FRMD3: variants seen among roughly 807,000 people sequenced by gnomAD.
The protein encoded by FRMD3 is FERM domain-containing protein 3.
Under a neutral mutation model 70.2 loss-of-function variants are expected in FRMD3, and 33 were observed. The ratio of observed to expected loss-of-function variants is 0.47; its 90% CI spans 0.36 to 0.63. FRMD3 has a LOEUF of 0.63. Ranked by LOEUF, FRMD3 falls within the 20% of genes least tolerant of loss-of-function variation. The pLI is 0.00. For missense variants in FRMD3, 632 were observed against 711.4 expected (o/e 0.89, Z 1.27); for synonymous variants, 279 against 255.9 (o/e 1.09, Z -0.86).
chr9:83,363,756 A>C (rs567111357), intron 3 of FRMD3, among the ~76,000 whole-genome samples: 1 of 151,884 alleles, frequency 6.6e-6, no homozygotes, highest in Admixed American at 6.5e-5. Flanking sequence ...GGGTTTCACC[A>C]TGTTAGCCAG....
chr9:83,262,103 T>C (rs781403533), intron 13 of FRMD3, among the ~76,000 whole-genome samples: 5 of 152,182 alleles, frequency 3.3e-5, no homozygotes, highest in South Asian at 2.1e-4. Flanking sequence ...CCAGAGAACA[T>C]AGAACACAAC....
intron 3 of FRMD3, among the ~76,000 whole-genome samples, chr9:83,362,779 A>C (rs1473639234): frequency 0.027 from 1,477 of 55,734 alleles, no homozygotes; most frequent in Middle Eastern, 0.048. Flanking sequence ...TTCCTTCCTT[A>C]TTTCCTTCCC....
At chr9:83,323,998 T>C (rs1324976784) in intron 6 of FRMD3, among the ~76,000 whole-genome samples, 1 of 152,202 alleles carries the variant, frequency 6.6e-6, no homozygotes, top group Non-Finnish European at 1.5e-5. Context: ...TAAGAAGCCA[T>C]AGTAACTCTG....
intron 3 of FRMD3, among the ~76,000 whole-genome samples, chr9:83,366,105 C>G (rs559453353): frequency 1.3e-5 from 2 of 151,866 alleles, no homozygotes; most frequent in Non-Finnish European, 2.9e-5. Context: ...CCCTCACTAC[C>G]GAGACAGTAC....
Position 83,313,654 on chromosome 9 carries a change from A to C in FRMD3, c.684+6T>G. The stretch of plus-strand genomic sequence containing the variant: ...TATATGGTGACCTGCTGTGAGGGGC[A>C]GTTACCTTGCATGGGTGAGGATCCA... On this transcript the variant is annotated splice_donor_region_variant and intron_variant, in intron 7 of 13. Coordinates refer to ENST00000304195, the MANE Select transcript of FRMD3 (RefSeq NM_174938.6). 6.2e-7 allele frequency: 1 copy of C among 1,610,448 alleles called. No homozygotes were observed.
intron 1 of FRMD3, among the ~76,000 whole-genome samples, chr9:83,407,035 G>C (rs779632661): frequency 6.6e-5 from 10 of 152,148 alleles, no homozygotes; most frequent in Non-Finnish European, 1.3e-4. Context: ...TCCTGGCAGA[G>C]AGTTCGCTGC....
At chr9:83,321,792 T>C (rs1587722615) in intron 6 of FRMD3, among the ~76,000 whole-genome samples, 1 of 152,316 alleles carries the variant, frequency 6.6e-6, no homozygotes, top group East Asian at 1.9e-4. Context: ...TTCCCACTAT[T>C]GTTGTATTTC....
In FRMD3 at chr9:83,378,590, A is replaced by G. The variant is rs1192289098; in HGVS notation, c.253-5635T>C. On this transcript the variant is annotated intron_variant, in intron 2 of 13. Transcript: ENST00000304195. ...AAATATACATATAAAATTTATATAT[A>G]CAATATACATATAAAATTTATATAT... Among the ~76,000 whole-genome samples, 5 of 131,110 alleles carry G rather than the reference A, an allele frequency of 3.8e-5. No homozygotes were observed. The East Asian group carries it at 1.0e-3, about 26-fold the overall frequency. 86.0% of individuals were successfully genotyped at this position (131,110 alleles called of 152,430 possible). A position where few individuals can be genotyped will look rare whatever the true frequency, so the allele number is the denominator to read the frequency against.
chr9:83,310,913 G>A (rs184046630), intron 8 of FRMD3, among the ~76,000 whole-genome samples: 10 of 152,216 alleles, frequency 6.6e-5, no homozygotes, highest in South Asian at 2.1e-4. Flanking sequence ...GAAATGATGC[G>A]GATTCACAGT....
At chr9:83,263,751 G>C (rs1041341235) in intron 13 of FRMD3, among the ~76,000 whole-genome samples, 1 of 152,064 alleles carries the variant, frequency 6.6e-6, no homozygotes, top group Admixed American at 6.6e-5. Context: ...TAAAGCAGGT[G>C]GTTTACTGCA....
At chr9:83,541,345 T>A (rs118128683), upstream of FRMD3, among the ~76,000 whole-genome samples, 2 of 152,346 alleles carry the variant, frequency 1.3e-5, no homozygotes, top group Non-Finnish European at 2.9e-5. Context: ...CAATGTACTA[T>A]CTAAATTGAC....
chr9:83,420,186 T>C (rs1826590441), intron 1 of FRMD3, among the ~76,000 whole-genome samples: 1 of 152,180 alleles, frequency 6.6e-6, no homozygotes, highest in Non-Finnish European at 1.5e-5. Flanking sequence ...GAAACGGGAT[T>C]CTAGCAGGCA....
At chr9:83,410,349 G>C (rs755452876) in intron 1 of FRMD3, among the ~76,000 whole-genome samples, 1 of 151,924 alleles carries the variant, frequency 6.6e-6, no homozygotes, top group African/African-American at 2.4e-5. Context: ...CCATCATTCT[G>C]TCCATAAGTA....
intron 1 of FRMD3, among the ~76,000 whole-genome samples, chr9:83,409,498 G>A (rs760376685): frequency 7.2e-5 from 11 of 152,146 alleles, no homozygotes; most frequent in Admixed American, 5.2e-4. Flanking sequence ...TTTTCCCCAC[G>A]TTAGTTCAGA....
intron 4 of FRMD3, among the ~76,000 whole-genome samples, chr9:83,343,776 A>T (rs537896782): frequency 2.8e-4 from 42 of 152,370 alleles, no homozygotes; most frequent in African/African-American, 9.9e-4. Flanking sequence ...CGCAGTCATT[A>T]TGAGGCCAGA....
intron 3 of FRMD3, among the ~76,000 whole-genome samples, chr9:83,372,354 A>C (rs1213738704): frequency 8.0e-6 from 1 of 125,746 alleles, no homozygotes; most frequent in African/African-American, 3.3e-5. Flanking sequence ...CTCACTGGTT[A>C]AAAAGAGAGA....
chr9:83,336,983 G>A (rs574393219), intron 5 of FRMD3, among the ~76,000 whole-genome samples: 22 of 152,238 alleles, frequency 1.4e-4, no homozygotes, highest in African/African-American at 5.3e-4. Context: ...GCTGTGCACA[G>A]AGGGCCTTTG....
the FRMD3 span, among the ~76,000 whole-genome samples, chr9:83,562,172 C>T: frequency 6.6e-6 from 1 of 152,168 alleles, no homozygotes; most frequent in African/African-American, 2.4e-5. Context: ...GGAAGAATGA[C>T]AACTTAGTTA....
At chr9:83,394,546 C>A (rs1825760219) in intron 1 of FRMD3, among the ~76,000 whole-genome samples, 2 of 152,126 alleles carry the variant, frequency 1.3e-5, no homozygotes, top group Non-Finnish European at 2.9e-5. Context: ...ACAGTAGCTG[C>A]TCAATAAATG....
Sources: allele counts gnomAD v4.1 joint callset (sites outside exome capture counted in the v4.1 genomes callset), GRCh38; gene constraint gnomAD v4.1.1; transcripts MANE v1.5; gene names NCBI Gene and HGNC (gene_info 2026-07-23, HGNC 2026-07-21).